The following VPS9D1 variants were observed in gnomAD, a reference collection of about 807,000 sequenced individuals.
VPS9D1 encodes the protein VPS9 domain-containing protein 1.
VPS9D1 carries 78 observed loss-of-function variants against 75.8 expected under a neutral mutation model. That is an observed-to-expected ratio of 1.03 (90% confidence interval 0.86 to 1.24). The LOEUF is 1.24. Ranked by LOEUF, VPS9D1 falls within the 50% of genes most tolerant of loss-of-function variation. The pLI is 0.00. For missense variants in VPS9D1, 1,057 were observed against 847.7 expected, an observed-to-expected ratio of 1.25 and a Z score of -3.07; for synonymous variants, 481 against 385.6, an observed-to-expected ratio of 1.25 and a Z score of -2.90.
chr16:89,711,225 A>G, intron 9 of VPS9D1, 102 bp downstream of exon 9: 2 of 1,351,996 alleles, frequency 1.5e-6, no homozygotes, highest in East Asian at 5.0e-5. Flanking sequence ...GGCCGGGCAC[A>G]GGCTCCCTGT....
At position 89,720,794 on chromosome 16, in the gene VPS9D1, G is replaced by T; in HGVS notation, c.68C>A (p.Ala23Asp). Residue 23 changes from alanine to aspartate, a missense_variant, in exon 1 of 15, where the codon GCC becomes GAC. Coordinates refer to ENST00000389386, the MANE Select transcript of VPS9D1 (RefSeq NM_004913.3). ...LQSAMKLANG[A>D]IELDTGNRPR... ...CCGGTTGCCGGTGTCCAGCTCGATGGCCCCGTTGGCAAGCTTCATGGCGCT... is the reference window on the plus strand; with the variant it reads ...CCGGTTGCCGGTGTCCAGCTCGATGTCCCCGTTGGCAAGCTTCATGGCGCT... 1 of 1,460,204 alleles carries T rather than the reference G, an allele frequency of 6.8e-7. No homozygotes were observed. The highest frequency in any genetic ancestry group is 9.1e-7 in the Non-Finnish European group (1 of 1,102,906). The allele number at this position is 1,460,204 out of a possible 1,614,324, so 90.5% of individuals were successfully genotyped here.
chr16:89,708,248 C>T (rs1315605471), intron 14 of VPS9D1, among the ~76,000 whole-genome samples, 179 bp downstream of exon 14: 5 of 152,216 alleles, frequency 3.3e-5, no homozygotes, highest in East Asian at 1.9e-4. Context: ...CGAAGGGCCA[C>T]GGGACATGTG....
chr16:89,708,498 G>A lies in VPS9D1; in HGVS notation c.1731C>T (p.Phe577=), dbSNP rs775227112. The A allele has an allele frequency of 4.5e-5, 72 of 1,613,162 alleles. No individual in the cohort carries two copies. The highest frequency in any genetic ancestry group is 6.6e-5 in the South Asian group (6 of 91,062). The change falls in exon 14 of 15, where the codon TTC becomes TTT. Residue 577 remains phenylalanine, a synonymous_variant. Transcript: ENST00000389386. ...GADDLLPILS[F]VVLRSGLPQL... is the part of the protein sequence containing the mutation. ...GAGGGAGGCCGCTCCTCAGCACCAC[G>A]AAGGACAGGATGGGCAGCAGGTCAT...
chr16:89,715,827 C>T (rs1020267567), intron 4 of VPS9D1, among the ~76,000 whole-genome samples: 3 of 152,046 alleles, frequency 2.0e-5, no homozygotes, highest in East Asian at 2.0e-4. Flanking sequence ...CAGGTGCACA[C>T]CACCACGGCC....
At chr16:89,716,423 ATCCCAGGC>A (rs1039823262) in intron 4 of VPS9D1, 31 bp downstream of exon 4, 18 of 1,611,748 alleles carry the variant, frequency 1.1e-5, no homozygotes, top group Non-Finnish European at 1.5e-5. Context: ...CAAAAACCCA[ATCCCAGGC>A]TCATCCCACC....
At chr16:89,720,660 C>A (rs969357430) in intron 1 of VPS9D1, 103 bp downstream of exon 1, 3 of 1,241,548 alleles carry the variant, frequency 2.4e-6, no homozygotes, top group South Asian at 5.8e-5. Context: ...GGCGCCCGCT[C>A]CCAAGTCTCC....
chr16:89,713,514 A>G (rs559799101), intron 4 of VPS9D1, among the ~76,000 whole-genome samples: 1 of 151,504 alleles, frequency 6.6e-6, no homozygotes, highest in Admixed American at 6.6e-5. Context: ...TCGGCCTCCC[A>G]AAGTACTGGG....
At chr16:89,708,055 T>C in intron 14 of VPS9D1, 101 bp from the exon 15 acceptor site, 1 of 1,198,348 alleles carries the variant, frequency 8.3e-7, no homozygotes, top group Middle Eastern at 2.0e-4. Flanking sequence ...AGGACCTGGG[T>C]GCTGAGGGTG....
At chr16:89,717,479 T>G (rs908266683) in intron 2 of VPS9D1, 7 of 443,850 alleles carry the variant, frequency 1.6e-5, no homozygotes, top group African/African-American at 1.4e-4. Context: ...ACCATGGACC[T>G]GCTCACACAG....
At chr16:89,713,253 C>G (rs533370606) in intron 4 of VPS9D1, among the ~76,000 whole-genome samples, 2 of 151,920 alleles carry the variant, frequency 1.3e-5, no homozygotes, top group African/African-American at 4.8e-5. Flanking sequence ...TTTGGTTTTT[C>G]TTTTTTTCTT....
In VPS9D1 at chr16:89,712,247, G is replaced by GC. The variant is rs2060949195; in HGVS notation, c.607-149dup. ...GGTAAGGCTTCTGGGGCAGAAGGCA[G>GC]CCTGCGCTCAAGCCAGGAGGGCCGG... On this transcript the variant is annotated intron_variant, in intron 6 of 14. Transcript: ENST00000389386. The GC allele has an allele frequency of 5.1e-6, 7 of 1,365,948 alleles. No homozygotes were observed. The East Asian group carries it at 1.8e-4, about 34-fold the overall frequency. The allele number at this position is 1,365,948 out of a possible 1,614,324, so 84.6% of individuals were successfully genotyped here. A position where few individuals can be genotyped will look rare whatever the true frequency, so the allele number is the denominator to read the frequency against.
intron 8 of VPS9D1, 122 bp from the exon 9 acceptor site, chr16:89,711,534 A>T: frequency 1.0e-6 from 1 of 977,192 alleles, no homozygotes; most frequent in Non-Finnish European, 1.5e-6. Context: ...CAGGAGACCC[A>T]GCGCCAGCAG....
intron 8 of VPS9D1, 172 bp downstream of exon 8, chr16:89,711,710 G>A (rs565504019): frequency 7.9e-4 from 637 of 810,050 alleles, no homozygotes; most frequent in Admixed American, 2.2e-3. Context: ...CCCGCCCCAC[G>A]CAGCCCTGGC....
chr16:89,710,024 C>T, intron 10 of VPS9D1, 118 bp from the exon 11 acceptor site: 1 of 1,407,028 alleles, frequency 7.1e-7, no homozygotes. Flanking sequence ...TTCAAGCCTC[C>T]TGCACCCACC....
At chr16:89,712,287 G>C (rs1416947985) in intron 6 of VPS9D1, 173 bp downstream of exon 6, 3 of 1,322,732 alleles carry the variant, frequency 2.3e-6, no homozygotes, top group East Asian at 5.0e-5. Flanking sequence ...GAGAACATGG[G>C]GGACGGCGGC....
At chr16:89,712,373 C>T (rs1597913364) in intron 6 of VPS9D1, 87 bp downstream of exon 6, 3 of 1,576,992 alleles carry the variant, frequency 1.9e-6, no homozygotes, top group African/African-American at 2.7e-5. Flanking sequence ...GGAACCTCCG[C>T]TCCCCTCGCT....
Position 89,720,790 on chromosome 16 carries a change from G to A in VPS9D1, c.72C>T (p.Ile24=), listed in dbSNP as rs546341547. The change falls in exon 1 of 15, where the codon ATC becomes ATT. Residue 24 remains isoleucine, a synonymous_variant. Transcript: ENST00000389386. ...GGGGCCGGTTGCCGGTGTCCAGCTCGATGGCCCCGTTGGCAAGCTTCATGG... is the reference window on the plus strand; with the variant it reads ...GGGGCCGGTTGCCGGTGTCCAGCTCAATGGCCCCGTTGGCAAGCTTCATGG... ...QSAMKLANGA[I]ELDTGNRPRE... 4.5e-5 allele frequency: 65 copies of A among 1,459,782 alleles called. No individual in the cohort carries two copies. The African/African-American group carries it at 8.4e-4, about 19-fold the overall frequency. The allele number at this position is 1,459,782 out of a possible 1,614,324, so 90.4% of individuals were successfully genotyped here.
At position 89,710,601 on chromosome 16, in the gene VPS9D1, TC is replaced by T; in HGVS notation, c.1242del (p.Ile415SerfsTer5). On this transcript the variant is annotated frameshift_variant, in exon 10 of 15. Transcript: ENST00000389386. LOFTEE classifies it high-confidence loss of function. The stretch of plus-strand genomic sequence containing the variant: ...CTGGCCTCACCTACGGCATTGTGGA[TC>T]TCCTCCACCGCGGTCTTCAGCTGCT... ...QLQQLKTAVE[E>X]IHNAVDRLLS... is the part of the protein sequence containing the mutation. 4 of 1,599,122 alleles carry T rather than the reference TC, an allele frequency of 2.5e-6. No homozygotes were observed. Among genetic ancestry groups the T allele is most frequent in the Non-Finnish European group, 3.4e-6 (4 of 1,168,876 alleles).
At chr16:89,717,322 T>TCA (rs1238823962) in intron 2 of VPS9D1, 6 of 349,492 alleles carry the variant, frequency 1.7e-5, no homozygotes, top group African/African-American at 4.3e-5. Context: ...TAGTGCTCAC[T>TCA]CAGCTTCACT....
Sources: gnomAD v4.1 joint callset for allele counts (sites outside exome capture counted in the v4.1 genomes callset) on GRCh38, gnomAD v4.1.1 for gene constraint, MANE v1.5 for transcripts, NCBI Gene and HGNC (gene_info 2026-07-23, HGNC 2026-07-21) for gene names.